Variants in MACROD2 observed in about 807,000 individuals in gnomAD.
MACROD2 encodes ADP-ribose glycohydrolase MACROD2.
Under a neutral mutation model 70.4 loss-of-function variants are expected in MACROD2, and 36 were observed. The ratio of observed to expected loss-of-function variants is 0.51; its 90% confidence interval spans 0.39 to 0.68. The LOEUF (loss-of-function observed/expected upper bound fraction) is 0.68, where lower values mean the gene tolerates loss of function less well. Ranked by LOEUF, MACROD2 falls within the 30% of genes least tolerant of loss-of-function variation. The pLI, the probability that MACROD2 is intolerant of heterozygous loss-of-function variation, is 0.00. For synonymous variants in MACROD2, 172 were observed against 178.8 expected, an observed-to-expected ratio of 0.96 and a Z score of 0.30; for missense variants, 496 against 538.4, an observed-to-expected ratio of 0.92 and a Z score of 0.78.
At chr20:15,075,289 TA>T (rs11346569) in intron 5 of MACROD2, among the ~76,000 whole-genome samples, 24,490 of 152,140 alleles carry the variant, frequency 0.16, 2,657 homozygotes, top group Non-Finnish European at 0.24. Flanking sequence ...TAATGGAAAA[TA>T]AAATACGAAA....
At chr20:15,951,664 C>T (rs555142449) in intron 12 of MACROD2, among the ~76,000 whole-genome samples, 2 of 152,070 alleles carry the variant, frequency 1.3e-5, no homozygotes, top group African/African-American at 4.8e-5. Flanking sequence ...AACATGCAAG[C>T]GCATGCATGC....
intron 3 of MACROD2, among the ~76,000 whole-genome samples, chr20:14,215,684 A>AT (rs1264450851): frequency 2.6e-5 from 4 of 151,752 alleles, no homozygotes; most frequent in Non-Finnish European, 2.9e-5. Context: ...CTGTTTTGTG[A>AT]TTTTTTTGAT....
At chr20:14,253,096 T>C (rs945249178) in intron 3 of MACROD2, among the ~76,000 whole-genome samples, 1 of 152,028 alleles carries the variant, frequency 6.6e-6, no homozygotes, top group Non-Finnish European at 1.5e-5. Flanking sequence ...TTTCGAAGGG[T>C]ACATGTAAAT....
In MACROD2 at chr20:15,781,912, G is replaced by A. The variant is rs898283655; in HGVS notation, c.646-80833G>A. On this transcript the variant is annotated intron_variant, in intron 8 of 17. Coordinates refer to ENST00000684519, the MANE Select transcript of MACROD2 (RefSeq NM_001351661.2). ...CACTATGTAGTGGGGTAAGAGCAGGGAGAAATAATGAGATAGTATTGAGGG... is the reference window on the plus strand; with the variant it reads ...CACTATGTAGTGGGGTAAGAGCAGGAAGAAATAATGAGATAGTATTGAGGG... Among the ~76,000 whole-genome samples the A allele has an allele frequency of 7.9e-5, 12 of 152,196 alleles. No homozygotes were observed. In the South Asian group the frequency reaches 2.1e-3, roughly 26 times the overall value.
chr20:15,384,886 C>A (rs2045692371), intron 6 of MACROD2, among the ~76,000 whole-genome samples: 3 of 152,124 alleles, frequency 2.0e-5, no homozygotes, highest in African/African-American at 7.2e-5. Context: ...CCTGTATACA[C>A]TTTGGATTTT....
intron 8 of MACROD2, among the ~76,000 whole-genome samples, chr20:15,815,180 T>C (rs143664449): frequency 6.6e-6 from 1 of 152,300 alleles, no homozygotes; most frequent in East Asian, 1.9e-4. Flanking sequence ...AGTGACTCAT[T>C]TCTTTAAAAA....
intron 1 of MACROD2, among the ~76,000 whole-genome samples, chr20:14,000,068 A>G (rs1472786473): frequency 6.6e-6 from 1 of 152,202 alleles, no homozygotes; most frequent in Non-Finnish European, 1.5e-5. Context: ...ACTTGCACCC[A>G]TGGTGACAAC....
At position 14,155,779 on chromosome 20, in the gene MACROD2, T is replaced by A. The variant is rs547683576; in HGVS notation, c.271+70051T>A. Among the ~76,000 whole-genome samples, 24 of 152,316 alleles carry A rather than the reference T, an allele frequency of 1.6e-4. No homozygotes were observed. The South Asian group carries it at 5.0e-3, about 32-fold the overall frequency. On this transcript the variant is annotated intron_variant, in intron 3 of 17. Coordinates refer to ENST00000684519, the MANE Select transcript of MACROD2 (RefSeq NM_001351661.2). ...TTCTATGAAAACAAGCAGAATTAAT[T>A]TCTATTATTAATAATCAGCCTATAA... is the stretch of plus-strand genomic sequence containing the variant.
chr20:15,215,856 C>G (rs1023761355), intron 5 of MACROD2, among the ~76,000 whole-genome samples: 2 of 151,978 alleles, frequency 1.3e-5, no homozygotes, highest in African/African-American at 4.8e-5. Flanking sequence ...AAGGAAACAG[C>G]TGAAGACTTA....
chr20:14,591,161 G>T (rs1981744902), intron 4 of MACROD2, among the ~76,000 whole-genome samples: 1 of 152,082 alleles, frequency 6.6e-6, no homozygotes, highest in East Asian at 1.9e-4. Flanking sequence ...TTTCTTATTT[G>T]ATTAGAGGAA....
At position 14,372,330 on chromosome 20, in the gene MACROD2, A is replaced by G. The variant is rs140673823; in HGVS notation, c.272-121149A>G. Among the ~76,000 whole-genome samples the G allele has an allele frequency of 9.6e-4, 146 of 152,312 alleles. 1 individual carries two copies. The highest frequency in any genetic ancestry group is 2.7e-3 in the Admixed American group (42 of 15,284). Reference sequence around the variant, plus strand: ...AATAAAATATTAGCAAATTATATCTAGTAGTGAGCATATCAAAATAATAAT... The same window carrying G: ...AATAAAATATTAGCAAATTATATCTGGTAGTGAGCATATCAAAATAATAAT... On this transcript the variant is annotated intron_variant, in intron 3 of 17. Transcript: ENST00000684519.
chr20:15,598,242 T>A (rs2146682466), intron 8 of MACROD2, among the ~76,000 whole-genome samples: 1 of 152,338 alleles, frequency 6.6e-6, no homozygotes, highest in East Asian at 1.9e-4. Flanking sequence ...ATTCTAAATT[T>A]TGTGAAATAC....
chr20:14,365,760 C>T (rs894194715), intron 3 of MACROD2, among the ~76,000 whole-genome samples: 2 of 152,046 alleles, frequency 1.3e-5, no homozygotes, highest in East Asian at 1.9e-4. Context: ...ATTAATTTCC[C>T]TCTGAGCACT....
intron 5 of MACROD2, among the ~76,000 whole-genome samples, chr20:15,127,600 G>C (rs897793255): frequency 6.6e-6 from 1 of 152,032 alleles, no homozygotes; most frequent in Non-Finnish European, 1.5e-5. Context: ...TTGTTTATAG[G>C]AGGCTTCAGT....
intron 5 of MACROD2, among the ~76,000 whole-genome samples, chr20:14,812,483 T>C (rs763331662): frequency 6.6e-5 from 10 of 151,868 alleles, no homozygotes; most frequent in Non-Finnish European, 1.5e-4. Context: ...GACGGGATGC[T>C]AGGTGCAGCA....
At chr20:15,499,898 C>A in intron 8 of MACROD2, 51 bp downstream of exon 8, 1 of 1,553,126 alleles carries the variant, frequency 6.4e-7, no homozygotes, top group Admixed American at 1.7e-5. Flanking sequence ...TAATTTGATG[C>A]TCAGTTCCCC....
intron 6 of MACROD2, among the ~76,000 whole-genome samples, chr20:15,307,527 T>C (rs192070494): frequency 6.6e-6 from 1 of 152,184 alleles, no homozygotes; most frequent in Admixed American, 6.5e-5. Flanking sequence ...TTAGTAAATG[T>C]CATTATCATG....
intron 8 of MACROD2, among the ~76,000 whole-genome samples, chr20:15,722,114 C>T (rs2050795163): frequency 6.6e-6 from 1 of 151,992 alleles, no homozygotes; most frequent in Admixed American, 6.6e-5. Flanking sequence ...AATGAATTTG[C>T]CATAATTTAT....
At chr20:14,456,592 A>G (rs1277852763) in intron 3 of MACROD2, among the ~76,000 whole-genome samples, 5 of 151,778 alleles carry the variant, frequency 3.3e-5, no homozygotes, top group African/African-American at 9.7e-5. Context: ...AATCCAGACT[A>G]TAGATTAAAG....
Sources: allele counts gnomAD v4.1 joint callset (sites outside exome capture counted in the v4.1 genomes callset), GRCh38; gene constraint gnomAD v4.1.1; transcripts MANE v1.5; gene names NCBI Gene and HGNC (gene_info 2026-07-23, HGNC 2026-07-21).